The following RNF146 variants were observed in gnomAD, a reference collection of about 807,000 sequenced individuals.
The protein encoded by RNF146 is ring finger protein 146.
Under a neutral mutation model 29.7 loss-of-function variants are expected in RNF146, and 11 were observed. That is an observed-to-expected ratio of 0.37 (90% CI 0.23 to 0.61). The LOEUF is 0.61. Ranked by LOEUF, RNF146 falls within the 20% of genes least tolerant of loss-of-function variation. The pLI, the probability that RNF146 is intolerant of heterozygous loss-of-function variation, is 0.66. For synonymous variants in RNF146, 150 were observed against 159.7 expected, an observed-to-expected ratio of 0.94 and a Z score of 0.46; for missense variants, 342 against 438.9, an observed-to-expected ratio of 0.78 and a Z score of 1.97.
chr6:127,275,137 T>C (rs563212776), intron 1 of RNF146, among the ~76,000 whole-genome samples: 2 of 152,266 alleles, frequency 1.3e-5, no homozygotes, highest in South Asian at 2.1e-4. Context: ...ATAAGCTTTA[T>C]TGGGGAAAGA....
At chr6:127,283,169 A>G (rs1195799850) in intron 2 of RNF146, among the ~76,000 whole-genome samples, 1 of 151,748 alleles carries the variant, frequency 6.6e-6, no homozygotes, top group East Asian at 1.9e-4. Flanking sequence ...AATATTTCAC[A>G]TGGTTTATCT....
At chr6:127,271,336 G>A (rs1777465150) in intron 1 of RNF146, among the ~76,000 whole-genome samples, 2 of 152,142 alleles carry the variant, frequency 1.3e-5, no homozygotes, top group Admixed American at 6.5e-5. Flanking sequence ...CATTGTTCAA[G>A]GGTCAACTGT....
rs1282484784 is a variant in RNF146 at position 127,288,450 on chromosome 6, T to C, written c.*757T>C. On this transcript the variant is annotated 3_prime_UTR_variant, in exon 3 of 3. Coordinates refer to ENST00000368314, the MANE Select transcript of RNF146 (RefSeq NM_001242850.2). ...GTCACTTAAAAAGTGGTGGTTTTAA[T>C]TGGTTGTTTTCAGCTTAATCACCTG... The C allele has an allele frequency of 1.2e-5, 2 of 166,914 alleles. No homozygotes were observed. Among genetic ancestry groups the C allele is most frequent in the African/African-American group, 2.4e-5 (1 of 41,420 alleles). 10.3% of individuals were successfully genotyped at this position (166,914 alleles called of 1,614,324 possible). A position where few individuals can be genotyped will look rare whatever the true frequency, so the allele number is the denominator to read the frequency against.
At chr6:127,279,385 C>T (rs886880250) in intron 1 of RNF146, among the ~76,000 whole-genome samples, 3 of 151,732 alleles carry the variant, frequency 2.0e-5, no homozygotes, top group African/African-American at 4.8e-5. Flanking sequence ...CCTGTTTTCC[C>T]CCATTGAGTA....
chr6:127,280,765 T>C (rs989495959), intron 2 of RNF146: 1 of 159,500 alleles, frequency 6.3e-6, no homozygotes, highest in Non-Finnish European at 1.3e-5. Context: ...ACATAATTGA[T>C]TTTTTTAATG....
chr6:127,275,620 G>A (rs1358384626), intron 1 of RNF146, among the ~76,000 whole-genome samples: 1 of 152,088 alleles, frequency 6.6e-6, no homozygotes, highest in East Asian at 1.9e-4. Context: ...ATTGAAATTA[G>A]TGCATGTGAT....
At chr6:127,277,578 CGAG>C (rs1778388098) in intron 1 of RNF146, among the ~76,000 whole-genome samples, 1 of 151,956 alleles carries the variant, frequency 6.6e-6, no homozygotes, top group Non-Finnish European at 1.5e-5. Flanking sequence ...AGAGCTAGTC[CGAG>C]TCCCAAAACT....
chr6:127,272,914 C>T (rs1777698123), intron 1 of RNF146, among the ~76,000 whole-genome samples: 1 of 152,110 alleles, frequency 6.6e-6, no homozygotes. Context: ...AAAATAAATT[C>T]CTAAGGAAGA....
At chr6:127,281,539 ACAGT>A (rs374175774) in intron 2 of RNF146, among the ~76,000 whole-genome samples, 155 of 151,842 alleles carry the variant, frequency 1.0e-3, no homozygotes, top group African/African-American at 3.6e-3. Context: ...TAGAATTTTA[ACAGT>A]CAAAGAAAAT....
intron 1 of RNF146, among the ~76,000 whole-genome samples, chr6:127,275,755 A>G (rs1353059281): frequency 6.6e-6 from 1 of 152,130 alleles, no homozygotes; most frequent in East Asian, 1.9e-4. Context: ...ATAGGCATTC[A>G]TAAGCTGTAA....
Position 127,286,682 on chromosome 6 carries a change from G to A in RNF146, c.69G>A (p.Glu23=), listed in dbSNP as rs1396475001. The change falls in exon 3 of 3, where the codon GAG becomes GAA. Residue 23 remains glutamate (E), a synonymous_variant. Coordinates refer to ENST00000368314, the MANE Select transcript of RNF146 (RefSeq NM_001242850.2). This position sits in a 1 kb window ranked among gnomAD's most constrained non-coding sequence, Gnocchi z 4.6. ...TTCCTACAAACAGGAAAGCGAACGA[G>A]TCCTGTTCTAATACTGCACCTTCTT... is the stretch of plus-strand genomic sequence containing the variant. ...NMLPTNRKAN[E]SCSNTAPSLT... The A allele has an allele frequency of 6.2e-7, 1 of 1,613,238 alleles. No individual in the cohort carries two copies.
intron 2 of RNF146, 199 bp downstream of exon 2, chr6:127,280,539 A>G (rs1005218061): frequency 1.6e-6 from 2 of 1,250,266 alleles, no homozygotes; most frequent in Admixed American, 3.8e-5. Flanking sequence ...CTCAAAAGGA[A>G]AAGTCTCTAT....
intron 1 of RNF146, among the ~76,000 whole-genome samples, chr6:127,270,207 G>A (rs968527569): frequency 2.0e-5 from 3 of 152,020 alleles, no homozygotes. Flanking sequence ...TATTTGAATG[G>A]GTCAAGATTT....
chr6:127,273,012 A>T (rs2114432688), intron 1 of RNF146, among the ~76,000 whole-genome samples: 1 of 152,330 alleles, frequency 6.6e-6, no homozygotes, highest in South Asian at 2.1e-4. Context: ...GGGTAACTGC[A>T]GCTGCAGACC....
intron 2 of RNF146, among the ~76,000 whole-genome samples, chr6:127,283,977 T>C (rs1779212982): frequency 1.3e-5 from 2 of 151,788 alleles, no homozygotes; most frequent in South Asian, 4.1e-4. Flanking sequence ...ATTGCTTTCT[T>C]AGTTTTGAAA....
intron 1 of RNF146, among the ~76,000 whole-genome samples, chr6:127,279,982 A>G (rs1008900998): frequency 4.6e-5 from 7 of 151,834 alleles, no homozygotes; most frequent in African/African-American, 7.2e-5. Context: ...TGGGGATTCT[A>G]TGAGATCTTC....
At chr6:127,276,045 C>G (rs1445728100) in intron 1 of RNF146, among the ~76,000 whole-genome samples, 1 of 151,998 alleles carries the variant, frequency 6.6e-6, no homozygotes. Flanking sequence ...TCAGTCCTAG[C>G]TACTTGGGAG....
chr6:127,274,888 A>G (rs940476475), intron 1 of RNF146, among the ~76,000 whole-genome samples: 5 of 152,182 alleles, frequency 3.3e-5, no homozygotes, highest in African/African-American at 1.2e-4. Context: ...AGTTACCTGC[A>G]GTCATACCAC....
chr6:127,277,985 G>T (rs1372445590), intron 1 of RNF146, among the ~76,000 whole-genome samples: 2 of 152,046 alleles, frequency 1.3e-5, no homozygotes, highest in Non-Finnish European at 2.9e-5. Flanking sequence ...TTAAGAATAT[G>T]TTTCTTTAAA....
Sources: allele counts gnomAD v4.1 joint callset (sites outside exome capture counted in the v4.1 genomes callset), GRCh38; gene constraint gnomAD v4.1.1; non-coding constraint Gnocchi (gnomAD v3.1); transcripts MANE v1.5; gene names NCBI Gene and HGNC (gene_info 2026-07-23, HGNC 2026-07-21).